The following ZFP62 variants were observed in gnomAD, a reference collection of about 807,000 sequenced individuals.
ZFP62 encodes zinc finger protein 62 homolog.
ZFP62 carries 44 observed loss-of-function variants against 56.4 expected under a neutral mutation model. The ratio of observed to expected loss-of-function variants is 0.78; its 90% CI spans 0.61 to 1.00. The LOEUF (loss-of-function observed/expected upper bound fraction) is 1.00. Among genes scored for constraint, ZFP62 ranks in the 50% least tolerant of loss-of-function variants. The probability of loss-of-function intolerance (pLI) is 0.00; values close to 1 mark genes in which losing one functional copy is unlikely to be tolerated. For missense variants in ZFP62, 1,030 were observed against 1,085.7 expected, an observed-to-expected ratio of 0.95 and a Z score of 0.72; for synonymous variants, 421 against 388.9, an observed-to-expected ratio of 1.08 and a Z score of -0.97.
chr5:180,850,871 G>A lies in ZFP62; in HGVS notation c.624C>T (p.Ser208=), dbSNP rs759708731. ...KCEECGKAYM[S]YSSLINHKST... is the part of the protein sequence containing the mutation. ...TTTTGTGGTTTATAAGGCTGGAGTA[G>A]GACATGTAGGCTTTCCCACATTCCT... Residue 208 remains serine, a synonymous_variant, in exon 2 of 2, where the codon TCC becomes TCT. Coordinates refer to ENST00000502412, the MANE Select transcript of ZFP62 (RefSeq NM_001172638.2). 3 of 1,564,422 alleles carry A rather than the reference G, an allele frequency of 1.9e-6. No individual in the cohort carries two copies. In the East Asian group the frequency reaches 7.2e-5, roughly 38 times the overall value.
At chr5:180,852,609 CAT>C (rs1773773046) in intron 1 of ZFP62, among the ~76,000 whole-genome samples, 1 of 149,526 alleles carries the variant, frequency 6.7e-6, no homozygotes, top group Non-Finnish European at 1.5e-5. Flanking sequence ...ACCATACACA[CAT>C]GAATAAACTC....
At chr5:180,855,476 G>C (rs1381293842) in intron 1 of ZFP62, among the ~76,000 whole-genome samples, 2 of 152,046 alleles carry the variant, frequency 1.3e-5, no homozygotes, top group South Asian at 4.1e-4. Context: ...GCTGCCCCTG[G>C]ATGTTTCTGG....
At chr5:180,860,418 G>C (rs542665475) in intron 1 of ZFP62, 16 of 152,174 alleles carry the variant, frequency 1.1e-4, no homozygotes, top group Admixed American at 3.9e-4. Flanking sequence ...AAATGTCTTA[G>C]AGCAGCACAC....
chr5:180,839,837 C>G, the ZFP62 span, among the ~76,000 whole-genome samples: 16 of 152,264 alleles, frequency 1.1e-4, no homozygotes, highest in Middle Eastern at 3.4e-3. Flanking sequence ...CCTCCTACCC[C>G]CTTAAGAACT....
downstream of ZFP62, among the ~76,000 whole-genome samples, chr5:180,846,427 AAAC>A (rs974539631): frequency 2.6e-5 from 4 of 152,324 alleles, no homozygotes; most frequent in South Asian, 2.1e-4. Context: ...CTCAGGTTAA[AAAC>A]AACCAAAGCT....
chr5:180,858,273 A>AAAAAAG (rs1382314952), intron 1 of ZFP62, among the ~76,000 whole-genome samples: 2 of 125,826 alleles, frequency 1.6e-5, no homozygotes, highest in Non-Finnish European at 3.2e-5. Flanking sequence ...AAAAAAAAAA[A>AAAAAAG]AAAAAGAAAA....
downstream of ZFP62, among the ~76,000 whole-genome samples, chr5:180,843,850 A>G (rs1773362465): frequency 1.3e-5 from 2 of 152,256 alleles, no homozygotes; most frequent in African/African-American, 2.4e-5. Flanking sequence ...CACTAAGGTT[A>G]AACACATGCT....
In ZFP62 at chr5:180,850,080, G is replaced by T; in HGVS notation, c.1415C>A (p.Thr472Asn). ...AGLKVHRRLH[T>N]GEKPYKCDVC... is the part of the protein sequence containing the mutation. ...ATCACACTTATATGGTTTTTCCCCAGTATGGAGCCTCCTGTGGACTTTGAG... is the reference window on the plus strand; with the variant it reads ...ATCACACTTATATGGTTTTTCCCCATTATGGAGCCTCCTGTGGACTTTGAG... The change falls in exon 2 of 2, where the codon ACT becomes AAT. Residue 472 changes from threonine to asparagine, a missense_variant. Thr to Asn is a moderately conservative substitution (Grantham distance 65, BLOSUM62 0). Transcript: ENST00000502412. The T allele has an allele frequency of 6.4e-7, 1 of 1,551,856 alleles. No homozygotes were observed. Among genetic ancestry groups the T allele is most frequent in the South Asian group, 1.2e-5 (1 of 84,060 alleles).
chr5:180,856,942 G>GACT lies in ZFP62; in HGVS notation c.1+4274_1+4276dup, dbSNP rs1281520929. Among the ~76,000 whole-genome samples the GACT allele has an allele frequency of 7.1e-5, 7 of 98,932 alleles. No homozygotes were observed. The East Asian group carries it at 1.9e-3, about 27-fold the overall frequency. 64.9% of individuals were successfully genotyped at this position (98,932 alleles called of 152,430 possible). ...CACTCCAGCCTGGGTGACAGAGCAA[G>GACT]ACTATGTCTCAAAAAAAAAAAAAAA... is the stretch of plus-strand genomic sequence containing the variant. On this transcript the variant is annotated intron_variant, in intron 1 of 1. Coordinates refer to ENST00000502412, the MANE Select transcript of ZFP62 (RefSeq NM_001172638.2).
chr5:180,834,106 CTAAT>C, the ZFP62 span, among the ~76,000 whole-genome samples: 2 of 152,178 alleles, frequency 1.3e-5, no homozygotes, highest in African/African-American at 4.8e-5. Context: ...TGGGAAGTAA[CTAAT>C]TAGGCCATGA....
chr5:180,850,857 A>G lies in ZFP62; in HGVS notation c.638T>C (p.Ile213Thr), dbSNP rs753282633. ...CCCAGAATGGGTGCTTTTGTGGTTT[A>G]TAAGGCTGGAGTAGGACATGTAGGC... ...GKAYMSYSSLINHKSTHSGEK... is the reference protein window; with the variant it reads ...GKAYMSYSSLTNHKSTHSGEK... Residue 213 changes from isoleucine (I) to threonine (T), a missense_variant, in exon 2 of 2, where the codon ATA becomes ACA. By Grantham distance (89) the Ile-to-Thr change is moderately conservative. Transcript: ENST00000502412. The G allele has an allele frequency of 3.2e-6, 5 of 1,562,806 alleles. No homozygotes were observed. In the Admixed American group the frequency reaches 7.7e-5, roughly 24 times the overall value.
At chr5:180,854,709 T>C (rs575608812) in intron 1 of ZFP62, among the ~76,000 whole-genome samples, 1 of 152,298 alleles carries the variant, frequency 6.6e-6, no homozygotes, top group Admixed American at 6.5e-5. Flanking sequence ...CCTATGAGAA[T>C]GCATTACATG....
the ZFP62 span, among the ~76,000 whole-genome samples, chr5:180,833,478 CAAAAAA>C: frequency 1.3e-5 from 1 of 76,724 alleles, no homozygotes. Flanking sequence ...AACTCTGTCT[CAAAAAA>C]AAAAAAAAAA....
chr5:180,847,565 G>A (rs249313), downstream of ZFP62: 729,721 of 983,772 alleles, frequency 0.74, 273,917 homozygotes, highest in East Asian at 0.96. Flanking sequence ...CAAAGATCTG[G>A]CACACAAATG....
At chr5:180,857,032 T>TCAG (rs1774023902) in intron 1 of ZFP62, among the ~76,000 whole-genome samples, 1 of 148,894 alleles carries the variant, frequency 6.7e-6, no homozygotes, top group South Asian at 2.1e-4. Flanking sequence ...AGGAATAGCT[T>TCAG]CAGGAAGAGA....
chr5:180,830,580 G>A, the ZFP62 span: 3 of 152,080 alleles, frequency 2.0e-5, no homozygotes, highest in Non-Finnish European at 4.4e-5. Flanking sequence ...TCATTTACTC[G>A]GGTGGCTGGG....
At chr5:180,856,692 C>T (rs546118536) in intron 1 of ZFP62, among the ~76,000 whole-genome samples, 5 of 152,152 alleles carry the variant, frequency 3.3e-5, no homozygotes, top group South Asian at 4.1e-4. Context: ...TGGTGGTTCA[C>T]GCCTGTAATC....
At chr5:180,853,571 A>C (rs1773827503) in intron 1 of ZFP62, among the ~76,000 whole-genome samples, 1 of 152,262 alleles carries the variant, frequency 6.6e-6, no homozygotes, top group Admixed American at 6.5e-5. Flanking sequence ...AGGATGGGAA[A>C]GGAGAAAAAC....
At chr5:180,846,092 G>A (rs1581955036), downstream of ZFP62, among the ~76,000 whole-genome samples, 1 of 152,118 alleles carries the variant, frequency 6.6e-6, no homozygotes, top group East Asian at 1.9e-4. Flanking sequence ...TCCATCCCTG[G>A]TCTGAGCAGG....
Sources: gnomAD v4.1 joint callset for allele counts (sites outside exome capture counted in the v4.1 genomes callset) on GRCh38, gnomAD v4.1.1 for gene constraint, MANE v1.5 for transcripts, NCBI Gene and HGNC (gene_info 2026-07-23, HGNC 2026-07-21) for gene names.